The following ETFA variants were observed in gnomAD, a reference collection of about 807,000 sequenced individuals.
The protein encoded by ETFA is electron transfer flavoprotein subunit alpha, also known as electron transfer flavoprotein subunit alpha, mitochondrial.
ETFA carries 22 observed loss-of-function variants against 46.2 expected under a neutral mutation model. The observed-to-expected ratio is 0.48, with a 90% confidence interval of 0.34 to 0.68. The LOEUF is 0.68. ETFA is among the 30% of genes least tolerant of loss of function. The pLI, the probability that ETFA is intolerant of heterozygous loss-of-function variation, is 0.01. For synonymous variants in ETFA, 131 were observed against 139.9 expected (o/e 0.94, Z 0.45); for missense variants, 345 against 401.1 (o/e 0.86, Z 1.19).
At chr15:76,228,133 C>T (rs773601619) in intron 10 of ETFA, 6 of 367,220 alleles carry the variant, frequency 1.6e-5, no homozygotes, top group Non-Finnish European at 2.7e-5. Context: ...CTTAGTCAGA[C>T]ATCTGGGAGT....
Position 76,233,325 on chromosome 15 carries a change from C to CTTTTTT in ETFA, c.817-1933_817-1928dup, listed in dbSNP as rs66595585. ...TAAGATTTAGAAGTAATTCAATAGGCTTTTTTTTTTTTTTTTTTTTTTGAG... is the reference window on the plus strand; with the variant it reads ...TAAGATTTAGAAGTAATTCAATAGGCTTTTTTTTTTTTTTTTTTTTTTTTTTTTGAG... On this transcript the variant is annotated intron_variant, in intron 9 of 11. Transcript: ENST00000557943. Among the ~76,000 whole-genome samples, 76 of 84,494 alleles carry CTTTTTT rather than the reference C, an allele frequency of 9.0e-4. 3 individuals are homozygous for CTTTTTT. The highest frequency in any genetic ancestry group is 9.5e-4 in the Non-Finnish European group (44 of 46,288). 55.4% of individuals were successfully genotyped at this position (84,494 alleles called of 152,430 possible).
chr15:76,261,202 A>G, intron 9 of ETFA: 15 of 1,542,828 alleles, frequency 9.7e-6, no homozygotes, highest in Non-Finnish European at 1.3e-5. Flanking sequence ...GACAATGGTA[A>G]CAGGTTCAGG....
intron 9 of ETFA, among the ~76,000 whole-genome samples, chr15:76,252,988 A>G (rs975634338): frequency 6.6e-6 from 1 of 150,688 alleles, no homozygotes; most frequent in Non-Finnish European, 1.5e-5. Flanking sequence ...ATCATAGTGT[A>G]CTACAGTCTC....
intron 1 of ETFA, among the ~76,000 whole-genome samples, chr15:76,300,079 T>C (rs2141549765): frequency 6.6e-6 from 1 of 152,338 alleles, no homozygotes; most frequent in Non-Finnish European, 1.5e-5. Context: ...TTTATGTTAC[T>C]TGTTATCTCA....
intron 9 of ETFA, among the ~76,000 whole-genome samples, chr15:76,252,996 C>A (rs922478873): frequency 6.7e-5 from 10 of 150,176 alleles, no homozygotes; most frequent in African/African-American, 2.5e-4. Flanking sequence ...GTACTACAGT[C>A]TCTAACTGCT....
At chr15:76,231,900 T>G (rs182509275) in intron 9 of ETFA, among the ~76,000 whole-genome samples, 1 of 152,306 alleles carries the variant, frequency 6.6e-6, no homozygotes, top group Non-Finnish European at 1.5e-5. Flanking sequence ...AAAAGGATAT[T>G]TGTTAAAATG....
chr15:76,274,303 C>A, intron 9 of ETFA, 109 bp downstream of exon 9: 1 of 865,954 alleles, frequency 1.2e-6, no homozygotes, highest in South Asian at 1.4e-5. Context: ...TACTGGCTAA[C>A]TGCTCAGGAA....
intron 9 of ETFA, among the ~76,000 whole-genome samples, chr15:76,241,528 C>G (rs890773267): frequency 6.6e-6 from 1 of 151,952 alleles, no homozygotes; most frequent in Non-Finnish European, 1.5e-5. Context: ...TGGCTGGGCG[C>G]AGTGGCTCAC....
chr15:76,263,406 G>A (rs1234161080), intron 9 of ETFA, among the ~76,000 whole-genome samples: 3 of 152,232 alleles, frequency 2.0e-5, no homozygotes, highest in African/African-American at 7.2e-5. Flanking sequence ...CATCGTCAGA[G>A]GACACCCAGG....
chr15:76,247,782 A>G (rs902418638), intron 9 of ETFA, among the ~76,000 whole-genome samples: 13 of 152,238 alleles, frequency 8.5e-5, no homozygotes, highest in Admixed American at 2.0e-4. Context: ...AATGAGTGTA[A>G]TAAGTGTTAA....
chr15:76,260,644 G>C, intron 9 of ETFA: 1 of 1,546,956 alleles, frequency 6.5e-7, no homozygotes, highest in South Asian at 1.1e-5. Flanking sequence ...TAGGGTCCCA[G>C]GGGGCCTTCC....
intron 8 of ETFA, among the ~76,000 whole-genome samples, chr15:76,282,028 C>T (rs1274571042): frequency 2.0e-5 from 3 of 150,606 alleles, no homozygotes; most frequent in African/African-American, 7.3e-5. Context: ...CTCAGCCTCA[C>T]AAGTAGCTGG....
intron 1 of ETFA, among the ~76,000 whole-genome samples, chr15:76,304,716 G>C (rs2469210): frequency 0.59 from 88,861 of 150,248 alleles, 26,724 homozygotes; most frequent in Non-Finnish European, 0.66. Flanking sequence ...AATGATTTTA[G>C]ACAAAACTAA....
intron 8 of ETFA, among the ~76,000 whole-genome samples, chr15:76,275,113 C>T (rs909852565): frequency 1.3e-5 from 2 of 152,142 alleles, no homozygotes; most frequent in Non-Finnish European, 2.9e-5. Context: ...GGACTAATCA[C>T]ACCCTGCCCT....
intron 9 of ETFA, among the ~76,000 whole-genome samples, chr15:76,239,065 T>C (rs1199566060): frequency 6.6e-6 from 1 of 152,256 alleles, no homozygotes; most frequent in Non-Finnish European, 1.5e-5. Flanking sequence ...CAGCTATATG[T>C]ACTGTCTATG....
intron 9 of ETFA, among the ~76,000 whole-genome samples, chr15:76,264,964 CAA>C (rs1160161529): frequency 1.3e-5 from 2 of 152,192 alleles, no homozygotes; most frequent in African/African-American, 4.8e-5. Context: ...CTAAATTTAG[CAA>C]AGATGGACAA....
At chr15:76,220,113 G>A (rs535376125) in intron 11 of ETFA, among the ~76,000 whole-genome samples, 20 of 152,158 alleles carry the variant, frequency 1.3e-4, no homozygotes, top group Non-Finnish European at 2.5e-4. Context: ...GCCCAGGCTG[G>A]AGTGCAGTGG....
At chr15:76,258,936 C>G in intron 9 of ETFA, 1 of 1,260,986 alleles carries the variant, frequency 7.9e-7, no homozygotes, top group African/African-American at 1.5e-5. Context: ...TCAGCCAGCA[C>G]AGTGGCCATC....
chr15:76,304,813 G>C (rs1454684328), intron 1 of ETFA, among the ~76,000 whole-genome samples: 2 of 152,150 alleles, frequency 1.3e-5, no homozygotes, highest in Non-Finnish European at 2.9e-5. Context: ...GGGAGGCCGA[G>C]GCGGGCAGAT....
Sources: gnomAD v4.1 joint callset for allele counts (sites outside exome capture counted in the v4.1 genomes callset) on GRCh38, gnomAD v4.1.1 for gene constraint, MANE v1.5 for transcripts, NCBI Gene and HGNC (gene_info 2026-07-23, HGNC 2026-07-21) for gene names.